The following HIPK2 variants were observed in gnomAD, a reference collection of about 807,000 sequenced individuals.
HIPK2 encodes homeodomain interacting protein kinase 2.
Under a neutral mutation model 113.7 loss-of-function variants are expected in HIPK2, and 27 were observed. The ratio of observed to expected loss-of-function variants is 0.24; its 90% confidence interval spans 0.17 to 0.33. The LOEUF is 0.33. HIPK2 is among the 10% of genes least tolerant of loss of function. HIPK2 has a pLI of 1.00. For synonymous variants in HIPK2, 631 were observed against 642.2 expected, an observed-to-expected ratio of 0.98 and a Z score of 0.26; for missense variants, 1,257 against 1,588.0, an observed-to-expected ratio of 0.79 and a Z score of 3.54.
intron 1 of HIPK2, among the ~76,000 whole-genome samples, chr7:139,765,267 A>G (rs1320967526): frequency 6.6e-6 from 1 of 152,212 alleles, no homozygotes; most frequent in Non-Finnish European, 1.5e-5. Flanking sequence ...ACAAACCTCA[A>G]TGTTACATAG....
In HIPK2 at chr7:139,614,500, G is replaced by A. The variant is rs1799960014; in HGVS notation, c.1783-7C>T. 2 of 1,368,666 alleles carry A rather than the reference G, an allele frequency of 1.5e-6. No homozygotes were observed. Among genetic ancestry groups the A allele is most frequent in the South Asian group, 2.0e-5 (1 of 49,180 alleles). 84.8% of individuals were successfully genotyped at this position (1,368,666 alleles called of 1,614,324 possible). ...CACTGGTAGAGGAGGGAGCCTAAAG[G>A]AGTGATGGGGATTAAACAAAAATAA... On this transcript the variant is annotated splice_polypyrimidine_tract_variant and splice_region_variant and intron_variant, in intron 7 of 14. Transcript: ENST00000406875.
At chr7:139,687,112 CATTT>C (rs1362920684) in intron 2 of HIPK2, among the ~76,000 whole-genome samples, 4 of 152,186 alleles carry the variant, frequency 2.6e-5, no homozygotes, top group African/African-American at 7.2e-5. Flanking sequence ...TTCATTCATT[CATTT>C]ATTTATTTAA....
At chr7:139,641,769 C>A (rs1359088893) in intron 2 of HIPK2, among the ~76,000 whole-genome samples, 2 of 152,304 alleles carry the variant, frequency 1.3e-5, no homozygotes, top group East Asian at 3.9e-4. Flanking sequence ...AGTCTGAGAC[C>A]AGAGTCAATG....
In HIPK2 at chr7:139,573,132, A is replaced by T. The variant is rs768898572; in HGVS notation, c.3392T>A (p.Val1131Glu). Residue 1131 changes from valine (V) to glutamate (E), a missense_variant, in exon 15 of 15, where the codon GTG becomes GAG. Transcript: ENST00000406875. The stretch of plus-strand genomic sequence containing the variant: ...GCTGGCTGGGTAGGCAGTGTGCTGC[A>T]CGGTGTGGCGCGCAGAGCCTTGCGA... ...VASQGSARHT[V>E]QHTAYPASIV... is the part of the protein sequence containing the mutation. 1 of 1,611,758 alleles carries T rather than the reference A, an allele frequency of 6.2e-7. No individual in the cohort carries two copies. The highest frequency in any genetic ancestry group is 1.7e-5 in the Admixed American group (1 of 59,732).
intron 2 of HIPK2, among the ~76,000 whole-genome samples, chr7:139,666,648 A>C (rs1802058161): frequency 6.6e-6 from 1 of 152,190 alleles, no homozygotes; most frequent in Admixed American, 6.5e-5. Flanking sequence ...ACAACAAGAC[A>C]CCATATTTTG....
chr7:139,629,676 C>T (rs557907890), intron 4 of HIPK2, among the ~76,000 whole-genome samples: 1 of 152,310 alleles, frequency 6.6e-6, no homozygotes, highest in East Asian at 1.9e-4. Flanking sequence ...GCTGGAGATA[C>T]TGCTGTTTCC....
chr7:139,695,250 G>A (rs1349569033), intron 2 of HIPK2, among the ~76,000 whole-genome samples: 1 of 152,202 alleles, frequency 6.6e-6, no homozygotes, highest in South Asian at 2.1e-4. Context: ...GCTGCTTGCG[G>A]GCCGATTCCC....
chr7:139,685,924 C>G (rs994588374), intron 2 of HIPK2, among the ~76,000 whole-genome samples: 1 of 152,194 alleles, frequency 6.6e-6, no homozygotes, highest in East Asian at 1.9e-4. Flanking sequence ...GCCCATAGAT[C>G]AAGGGGTAAT....
chr7:139,650,731 G>A (rs948137994), intron 2 of HIPK2, among the ~76,000 whole-genome samples: 2 of 152,244 alleles, frequency 1.3e-5, no homozygotes, highest in Non-Finnish European at 2.9e-5. Flanking sequence ...GCTCTGCCTT[G>A]AATCACTTAC....
At chr7:139,699,479 T>C (rs1794650054) in intron 2 of HIPK2, among the ~76,000 whole-genome samples, 1 of 152,174 alleles carries the variant, frequency 6.6e-6, no homozygotes, top group Admixed American at 6.5e-5. Context: ...CACATGTACC[T>C]GCCATCCACA....
rs1020138286 is a variant in HIPK2 at position 139,614,405 on chromosome 7, G to A, written c.1871C>T (p.Ala624Val). ...NYPSTLYQPS[A>V]ASMAAVAQRS... ...CTGGGCCACTGCAGCCATGGATGCC[G>A]CTGAGGGCTGGTAGAGTGTAGATGG... is the stretch of plus-strand genomic sequence containing the variant. The change falls in exon 8 of 15, where the codon GCG (alanine) becomes GTG (valine). Residue 624 changes from alanine (A) to valine (V), a missense_variant. Physicochemically the swap from Ala to Val is moderately conservative, Grantham distance 64. Coordinates refer to ENST00000406875, the MANE Select transcript of HIPK2 (RefSeq NM_022740.5). 8 of 1,572,694 alleles carry A rather than the reference G, an allele frequency of 5.1e-6. No homozygotes were observed. The highest frequency in any genetic ancestry group is 2.3e-5 in the South Asian group (2 of 85,992).
Position 139,572,792 on chromosome 7 carries a change from CGTTTG to C in HIPK2, c.*130_*134del, listed in dbSNP as rs1798336636. ...CCCCCCCCCCCCCCCGCCCCTGCCC[CGTTTG>C]CATTGTTTGTGTGCGGCATCTTCAG... On this transcript the variant is annotated 3_prime_UTR_variant, in exon 15 of 15. Coordinates refer to ENST00000406875, the MANE Select transcript of HIPK2 (RefSeq NM_022740.5). The C allele has an allele frequency of 5.4e-6, 1 of 183,670 alleles. No homozygotes were observed. Among genetic ancestry groups the C allele is most frequent in the African/African-American group, 2.7e-5 (1 of 36,462 alleles). 11.4% of individuals were successfully genotyped at this position (183,670 alleles called of 1,614,324 possible). A position where few individuals can be genotyped will look rare whatever the true frequency, so the allele number is the denominator to read the frequency against.
intron 2 of HIPK2, among the ~76,000 whole-genome samples, chr7:139,657,222 C>A (rs1206524265): frequency 1.3e-5 from 2 of 152,208 alleles, no homozygotes; most frequent in Non-Finnish European, 2.9e-5. Context: ...CTCACCCAGG[C>A]TTCTGCTGTA....
chr7:139,763,102 G>A (rs1796494974), intron 1 of HIPK2, among the ~76,000 whole-genome samples: 1 of 152,170 alleles, frequency 6.6e-6, no homozygotes, highest in Non-Finnish European at 1.5e-5. Flanking sequence ...AAACAGCTGG[G>A]AACAGTCACA....
At chr7:139,745,145 G>A (rs976040540) in intron 1 of HIPK2, among the ~76,000 whole-genome samples, 1 of 152,186 alleles carries the variant, frequency 6.6e-6, no homozygotes, top group African/African-American at 2.4e-5. Flanking sequence ...AGGTCAACAG[G>A]CATTCACCAA....
rs748679608 is a variant in HIPK2 at position 139,716,409 on chromosome 7, G to A, written c.626C>T (p.Thr209Met). 1 of 1,613,988 alleles carries A rather than the reference G, an allele frequency of 6.2e-7. No homozygotes were observed. Among genetic ancestry groups the A allele is most frequent in the Non-Finnish European group, 8.5e-7 (1 of 1,179,916 alleles). ...CCAGCACTTGACCACTTGCCCAAAC[G>A]TCCCTCGGCCCAAGAACTCTAAGAC... is the stretch of plus-strand genomic sequence containing the variant. Reference protein sequence around the residue: ...YEVLEFLGRGTFGQVVKCWKR... With the variant: ...YEVLEFLGRGMFGQVVKCWKR... Residue 209 changes from threonine (T) to methionine (M), a missense_variant, in exon 2 of 15, where the codon ACG (threonine) becomes ATG (methionine). Transcript: ENST00000406875. The surrounding 1 kb of genome is among the most constrained non-coding windows in gnomAD (Gnocchi z 9.3).
In HIPK2 at chr7:139,764,163, ACAT is replaced by A. The variant is rs377730773; in HGVS notation, c.19+13439_19+13441del. ...ATGTTTAAACAGAAACACACATAAA[ACAT>A]CATCACACCAACATATGTAATGCTA... On this transcript the variant is annotated intron_variant, in intron 1 of 14. Coordinates refer to ENST00000406875, the MANE Select transcript of HIPK2 (RefSeq NM_022740.5). 4.8e-3 allele frequency among the ~76,000 whole-genome samples: 734 copies of A among 152,360 alleles called. 5 individuals are homozygous for A. The highest frequency in any genetic ancestry group is 0.017 in the African/African-American group (711 of 41,578).
At chr7:139,649,275 G>A (rs1054834945) in intron 2 of HIPK2, among the ~76,000 whole-genome samples, 12 of 152,170 alleles carry the variant, frequency 7.9e-5, no homozygotes, top group Admixed American at 5.9e-4. Flanking sequence ...GCGGGCCGAT[G>A]CAGCACCCCT....
chr7:139,604,916 C>T (rs1029780973), intron 9 of HIPK2, among the ~76,000 whole-genome samples: 1 of 152,052 alleles, frequency 6.6e-6, no homozygotes, highest in African/African-American at 2.4e-5. Flanking sequence ...TGAGGGTGAC[C>T]GCTGGCCCTC....
Sources: allele counts gnomAD v4.1 joint callset (sites outside exome capture counted in the v4.1 genomes callset), GRCh38; gene constraint gnomAD v4.1.1; non-coding constraint Gnocchi (gnomAD v3.1); transcripts MANE v1.5; gene names NCBI Gene and HGNC (gene_info 2026-07-23, HGNC 2026-07-21).